Variants in TSEN34 observed in about 807,000 individuals in gnomAD.
TSEN34 encodes tRNA-splicing endonuclease subunit Sen34.
In TSEN34, 25 loss-of-function variants were observed where a neutral mutation model predicts 30.2. The observed-to-expected ratio is 0.83, with a 90% CI of 0.60 to 1.16. The LOEUF (loss-of-function observed/expected upper bound fraction) is 1.16, where lower values mean the gene tolerates loss of function less well. Ranked by LOEUF, TSEN34 falls within the 50% of genes most tolerant of loss-of-function variation. The pLI is 0.00. For missense variants in TSEN34, 475 were observed against 411.9 expected (o/e 1.15, Z -1.33); for synonymous variants, 209 against 177.4 (o/e 1.18, Z -1.41).
upstream of TSEN34, chr19:54,190,304 G>A (rs1356727665): frequency 4.1e-6 from 6 of 1,454,362 alleles, no homozygotes; most frequent in Non-Finnish European, 5.6e-6. Flanking sequence ...TGAGGGGGTG[G>A]AGCAAGGAGC....
upstream of TSEN34, chr19:54,190,296 AG>A: frequency 7.2e-7 from 1 of 1,394,830 alleles, no homozygotes; most frequent in Non-Finnish European, 9.9e-7. Context: ...TGTCGGCATG[AG>A]GGGGTGGAGC....
chr19:54,192,074 AC>A (rs1428053937), intron 2 of TSEN34, 41 bp from the exon 3 acceptor site: 2 of 1,613,948 alleles, frequency 1.2e-6, no homozygotes, highest in East Asian at 2.2e-5. Flanking sequence ...AGAAGACTTT[AC>A]CCCTTGAATT....
upstream of TSEN34, chr19:54,191,076 G>T (rs1031935729): frequency 7.8e-6 from 10 of 1,289,792 alleles, no homozygotes; most frequent in African/African-American, 1.4e-4. Flanking sequence ...GGTGCCGACC[G>T]CAGGGTCACA....
chr19:54,192,236 G>T lies in TSEN34; in HGVS notation c.608G>T (p.Arg203Leu). 3 of 1,613,960 alleles carry T rather than the reference G, an allele frequency of 1.9e-6. No individual in the cohort carries two copies. Among genetic ancestry groups the T allele is most frequent in the African/African-American group, 1.3e-5 (1 of 75,004 alleles). Reference sequence around the variant, plus strand: ...GTCAAGGCCAGGCCCCTGGACTGGCGTGTCCAGTCTAAAGACTGGCCCCAC... The same window carrying T: ...GTCAAGGCCAGGCCCCTGGACTGGCTTGTCCAGTCTAAAGACTGGCCCCAC... ...RPVKARPLDW[R>L]VQSKDWPHAG... The change falls in exon 3 of 4, where the codon CGT becomes CTT. Residue 203 changes from arginine (R) to leucine (L), a missense_variant. By Grantham distance (102) the Arg-to-Leu change is moderately radical. Transcript: ENST00000396388.
In TSEN34 at chr19:54,193,513, T is replaced by TAA. The variant is rs1442802174; in HGVS notation, c.*151_*152insAA. 9 of 1,541,148 alleles carry TAA rather than the reference T, an allele frequency of 5.8e-6. No homozygotes were observed. The Admixed American group carries it at 1.8e-4, about 30-fold the overall frequency. On this transcript the variant is annotated 3_prime_UTR_variant, in exon 4 of 4. Coordinates refer to ENST00000396388, the MANE Select transcript of TSEN34 (RefSeq NM_001077446.4). Reference sequence around the variant, plus strand: ...TTTCGAACACTACATCTTTTTTATGTTCTTCCTTGTTTCAAAGCACTTATT... The same window carrying TAA: ...TTTCGAACACTACATCTTTTTTATGTAATCTTCCTTGTTTCAAAGCACTTATT...
chr19:54,191,607 G>A lies in TSEN34; in HGVS notation c.243G>A (p.Leu81=), dbSNP rs1400826120. The change falls in exon 1 of 4, where the codon CTG becomes CTA. Residue 81 remains leucine (L), a splice_region_variant and synonymous_variant. Coordinates refer to ENST00000396388, the MANE Select transcript of TSEN34 (RefSeq NM_001077446.4). ...GTCCAGACTCTCGGCACCACAGCCT[G>A]GTAAGGGGGCGGGGCTCGAACTCGG... ...APRPDSRHHS[L]ALTSFKRQQE... 4 of 1,603,934 alleles carry A rather than the reference G, an allele frequency of 2.5e-6. No individual in the cohort carries two copies. The highest frequency in any genetic ancestry group is 3.4e-6 in the Non-Finnish European group (4 of 1,179,284).
Position 54,193,175 on chromosome 19 carries a change from G to A in TSEN34, c.746G>A (p.Gly249Asp). 6.2e-7 allele frequency: 1 copy of A among 1,613,158 alleles called. No homozygotes were observed. The highest frequency in any genetic ancestry group is 8.5e-7 in the Non-Finnish European group (1 of 1,180,004). The change falls in exon 4 of 4, where the codon GGT becomes GAT. Residue 249 changes from glycine (G) to aspartate (D), a missense_variant and splice_region_variant. Transcript: ENST00000396388. ...TTCAGTGCCTCTCTCCTTCCCCCAG[G>A]TGACCCCCTCCGCTTCCACGCCCAT... ...KFGGDFLVYP[G>D]DPLRFHAHYI...
At chr19:54,191,291 T>A, upstream of TSEN34, 1 of 1,541,920 alleles carries the variant, frequency 6.5e-7, no homozygotes, top group Non-Finnish European at 8.7e-7. Context: ...CCCCGGAGGC[T>A]TTGGGTGCGC....
At chr19:54,191,052 G>A (rs1172647265), upstream of TSEN34, 2 of 1,259,918 alleles carry the variant, frequency 1.6e-6, no homozygotes, top group Non-Finnish European at 2.0e-6. Flanking sequence ...GTACGGCAGT[G>A]CGGGCACAGA....
At chr19:54,192,094 T>C in intron 2 of TSEN34, 22 bp from the exon 3 acceptor site, 1 of 1,614,152 alleles carries the variant, frequency 6.2e-7, no homozygotes, top group South Asian at 1.1e-5. Flanking sequence ...TTTACCAAAC[T>C]CTTCTCTGTA....
chr19:54,191,646 G>T (rs1181634232), intron 1 of TSEN34, 39 bp downstream of exon 1: 2 of 1,608,328 alleles, frequency 1.2e-6, no homozygotes, highest in Non-Finnish European at 8.5e-7. Flanking sequence ...CGGTGGGAGC[G>T]GGACCTGGGA....
At chr19:54,191,230 G>C (rs2076674086), upstream of TSEN34, 6 of 1,439,884 alleles carry the variant, frequency 4.2e-6, no homozygotes, top group Non-Finnish European at 5.4e-6. Context: ...GGTGAACGGC[G>C]GCTGAGCGAG....
Position 54,193,430 on chromosome 19 carries a change from C to G in TSEN34, c.*68C>G. 6.2e-7 allele frequency: 1 copy of G among 1,603,158 alleles called. No homozygotes were observed. Among genetic ancestry groups the G allele is most frequent in the Non-Finnish European group, 8.5e-7 (1 of 1,175,068 alleles). ...CCTTTCTGGATGTTCCCCAGCTCTTCTCTGGGAGTCTAGAACATCCTCCTA... is the reference window on the plus strand; with the variant it reads ...CCTTTCTGGATGTTCCCCAGCTCTTGTCTGGGAGTCTAGAACATCCTCCTA... On this transcript the variant is annotated 3_prime_UTR_variant, in exon 4 of 4. Transcript: ENST00000396388.
chr19:54,189,848 T>C (rs1426357939), upstream of TSEN34: 2 of 168,252 alleles, frequency 1.2e-5, no homozygotes, highest in African/African-American at 4.8e-5. Context: ...CGGAGCCACA[T>C]GTTTCGGCTT....
At chr19:54,192,890 A>G (rs1025635959) in intron 3 of TSEN34, among the ~76,000 whole-genome samples, 1 of 151,400 alleles carries the variant, frequency 6.6e-6, no homozygotes, top group African/African-American at 2.4e-5. Flanking sequence ...CTGTATTTCC[A>G]GCTACTCGGG....
intron 3 of TSEN34, 29 bp from the exon 4 acceptor site, chr19:54,193,146 C>G (rs756120520): frequency 6.8e-6 from 11 of 1,612,404 alleles, no homozygotes; most frequent in South Asian, 5.5e-5. Flanking sequence ...CCATTGGTCA[C>G]TGCTTCAGTG....
At chr19:54,192,725 C>T (rs1005287241) in intron 3 of TSEN34, among the ~76,000 whole-genome samples, 2 of 152,214 alleles carry the variant, frequency 1.3e-5, no homozygotes, top group Admixed American at 6.5e-5. Context: ...AGACATCAGG[C>T]TGGGCGCAAT....
At chr19:54,190,268 TGAC>T, upstream of TSEN34, 1 of 1,173,182 alleles carries the variant, frequency 8.5e-7, no homozygotes, top group Admixed American at 2.1e-5. Flanking sequence ...TGGGGCGGGA[TGAC>T]GAAGTTGACG....
At position 54,191,811 on chromosome 19, in the gene TSEN34, C is replaced by G. The variant is rs17849378; in HGVS notation, c.334C>G (p.Leu112Val). Reference sequence around the variant, plus strand: ...GGCCCGGGAGACCCGTCGTCAGGAGCTCCTGGAGAAGATTACGGAGGGCCA... The same window carrying G: ...GGCCCGGGAGACCCGTCGTCAGGAGGTCCTGGAGAAGATTACGGAGGGCCA... ...AEARETRRQE[L>V]LEKITEGQAA... is the part of the protein sequence containing the mutation. Residue 112 changes from leucine (L) to valine (V), a missense_variant, in exon 2 of 4, where the codon CTC (leucine) becomes GTC (valine). Leu to Val is a conservative substitution (Grantham distance 32, BLOSUM62 1). Coordinates refer to ENST00000396388, the MANE Select transcript of TSEN34 (RefSeq NM_001077446.4). The G allele has an allele frequency of 1.1e-3, 1,707 of 1,614,188 alleles. 11 individuals carry two copies. In the African/African-American group the frequency reaches 0.017, roughly 16 times the overall value.
Sources: allele counts gnomAD v4.1 joint callset (sites outside exome capture counted in the v4.1 genomes callset), GRCh38; gene constraint gnomAD v4.1.1; transcripts MANE v1.5; gene names NCBI Gene and HGNC (gene_info 2026-07-23, HGNC 2026-07-21).